NRXN3: variants seen among roughly 807,000 people sequenced by gnomAD.
NRXN3 encodes the protein neurexin 3, also known as neurexin III.
Under a neutral mutation model 137.6 loss-of-function variants are expected in NRXN3, and 32 were observed. That is an observed-to-expected ratio of 0.23 (90% confidence interval 0.18 to 0.31). The LOEUF is 0.31. Among genes scored for constraint, NRXN3 ranks in the 10% least tolerant of loss-of-function variants. NRXN3 has a pLI of 1.00. For synonymous variants in NRXN3, 798 were observed against 784.5 expected, an observed-to-expected ratio of 1.02 and a Z score of -0.29; for missense variants, 1,574 against 2,062.5, an observed-to-expected ratio of 0.76 and a Z score of 4.59.
At chr14:78,343,266 T>C (rs1362574061) in intron 4 of NRXN3, among the ~76,000 whole-genome samples, 1 of 152,208 alleles carries the variant, frequency 6.6e-6, no homozygotes, top group East Asian at 1.9e-4. Flanking sequence ...TTGTTTCCTC[T>C]TCTCTAATAT....
chr14:78,188,670 C>T (rs936631145), intron 1 of NRXN3, among the ~76,000 whole-genome samples: 5 of 152,280 alleles, frequency 3.3e-5, no homozygotes, highest in African/African-American at 1.2e-4. Context: ...AGGCCTAAGA[C>T]ATAGACTTTG....
chr14:78,521,243 T>C (rs1356518654), intron 4 of NRXN3, among the ~76,000 whole-genome samples: 1 of 152,190 alleles, frequency 6.6e-6, no homozygotes, highest in African/African-American at 2.4e-5. Context: ...CCTGTATATA[T>C]TAAAAGCATA....
chr14:78,667,372 T>C (rs1337208429), intron 6 of NRXN3, among the ~76,000 whole-genome samples: 2 of 152,210 alleles, frequency 1.3e-5, no homozygotes, highest in East Asian at 3.8e-4. Flanking sequence ...ATCTGTTTCG[T>C]AGTGAGTACT....
At chr14:79,055,827 T>C (rs938339273) in intron 15 of NRXN3, among the ~76,000 whole-genome samples, 2 of 152,072 alleles carry the variant, frequency 1.3e-5, no homozygotes, top group Non-Finnish European at 2.9e-5. Context: ...TTGGAGACAG[T>C]GCAGGTCAAT....
intron 4 of NRXN3, among the ~76,000 whole-genome samples, chr14:78,404,838 G>T (rs527711695): frequency 6.6e-6 from 1 of 152,216 alleles, no homozygotes; most frequent in South Asian, 2.1e-4. Context: ...GAAGAAATGA[G>T]TTCTGTTAAA....
At chr14:79,011,905 G>C (rs1674364767) in intron 15 of NRXN3, among the ~76,000 whole-genome samples, 1 of 152,174 alleles carries the variant, frequency 6.6e-6, no homozygotes, top group South Asian at 2.1e-4. Flanking sequence ...GCAGTTCGAT[G>C]GGAGAATAAA....
At chr14:79,436,149 A>G (rs893274776) in intron 15 of NRXN3, among the ~76,000 whole-genome samples, 2 of 152,126 alleles carry the variant, frequency 1.3e-5, no homozygotes, top group African/African-American at 2.4e-5. Flanking sequence ...GAACCAGGTT[A>G]AACCATTGAG....
At chr14:78,949,289 C>A (rs2099381153) in intron 10 of NRXN3, among the ~76,000 whole-genome samples, 1 of 152,062 alleles carries the variant, frequency 6.6e-6, no homozygotes, top group Admixed American at 6.6e-5. Flanking sequence ...TTTATTCATC[C>A]ATTTCTATGT....
intron 19 of NRXN3, among the ~76,000 whole-genome samples, chr14:79,794,554 T>C (rs1047621670): frequency 1.3e-5 from 2 of 152,118 alleles, no homozygotes; most frequent in African/African-American, 4.8e-5. Flanking sequence ...CAACTTCTGG[T>C]TCAAAGGGAG....
chr14:78,661,738 A>T (rs1465300284), intron 6 of NRXN3, among the ~76,000 whole-genome samples: 2 of 152,242 alleles, frequency 1.3e-5, no homozygotes, highest in Non-Finnish European at 2.9e-5. Flanking sequence ...TAGCTGTATG[A>T]TGCTGGATAA....
At chr14:78,723,306 A>T (rs538692102) in intron 8 of NRXN3, among the ~76,000 whole-genome samples, 2 of 152,182 alleles carry the variant, frequency 1.3e-5, no homozygotes, top group South Asian at 4.1e-4. Context: ...AAGAAACAAG[A>T]GTGGAGGTCG....
At position 78,429,552 on chromosome 14, in the gene NRXN3, G is replaced by C. The variant is rs1156587675; in HGVS notation, c.757+131692G>C. ...ATCTCCAGAGTATGGACTTGAAAGG[G>C]AGCTGTGCTTGGAATAGATTTTACT... On this transcript the variant is annotated intron_variant, in intron 4 of 20. Coordinates refer to ENST00000335750, the MANE Select transcript of NRXN3 (RefSeq NM_001330195.2). Among the ~76,000 whole-genome samples the C allele has an allele frequency of 1.3e-5, 2 of 152,154 alleles. 1 individual carries two copies. The highest frequency in any genetic ancestry group is 3.9e-4 in the East Asian group (2 of 5,190).
At chr14:79,651,102 G>A (rs1297572496) in intron 16 of NRXN3, among the ~76,000 whole-genome samples, 1 of 152,148 alleles carries the variant, frequency 6.6e-6, no homozygotes, top group Non-Finnish European at 1.5e-5. Context: ...CCACCTCTAG[G>A]ACTTCAATTT....
intron 15 of NRXN3, among the ~76,000 whole-genome samples, chr14:79,423,385 G>T (rs751506864): frequency 6.6e-6 from 1 of 152,046 alleles, no homozygotes; most frequent in Non-Finnish European, 1.5e-5. Context: ...AACCTATTGG[G>T]TATACATCTG....
chr14:79,848,020 G>C (rs944509322), intron 20 of NRXN3, among the ~76,000 whole-genome samples: 17 of 151,790 alleles, frequency 1.1e-4, no homozygotes, highest in South Asian at 2.1e-4. Flanking sequence ...TTTTTAATCT[G>C]TCTAGCACAG....
intron 16 of NRXN3, among the ~76,000 whole-genome samples, chr14:79,658,405 A>G (rs1449988621): frequency 2.0e-5 from 3 of 152,178 alleles, no homozygotes; most frequent in African/African-American, 4.8e-5. Context: ...GCTTATTGCC[A>G]TCCTCACTCA....
chr14:79,017,233 CTG>C (rs10581798), intron 15 of NRXN3, among the ~76,000 whole-genome samples: 145,725 of 151,498 alleles, frequency 0.96, 70,273 homozygotes, highest in Non-Finnish European at 1. Flanking sequence ...GGATCACTGG[CTG>C]TGTGTGCCCA....
At chr14:79,705,248 T>C (rs549716114) in intron 19 of NRXN3, among the ~76,000 whole-genome samples, 1 of 152,206 alleles carries the variant, frequency 6.6e-6, no homozygotes, top group African/African-American at 2.4e-5. Context: ...CAGGGTGGTT[T>C]TTCTAATTAC....
At chr14:78,782,645 AT>A (rs1000732696) in intron 8 of NRXN3, among the ~76,000 whole-genome samples, 2 of 152,182 alleles carry the variant, frequency 1.3e-5, no homozygotes, top group Admixed American at 1.3e-4. Context: ...CATTTGTTGT[AT>A]CCCCAGTGCC....
Sources: allele counts gnomAD v4.1 joint callset (sites outside exome capture counted in the v4.1 genomes callset), GRCh38; gene constraint gnomAD v4.1.1; transcripts MANE v1.5; gene names NCBI Gene and HGNC (gene_info 2026-07-23, HGNC 2026-07-21).